ERLEC1: variants seen among roughly 807,000 people sequenced by gnomAD.
The protein encoded by ERLEC1 is ER lectin.
Under a neutral mutation model 68.0 loss-of-function variants are expected in ERLEC1, and 47 were observed. The observed-to-expected ratio is 0.69, with a 90% CI of 0.55 to 0.88. ERLEC1 has a LOEUF of 0.88. Among genes scored for constraint, ERLEC1 ranks in the 40% least tolerant of loss-of-function variants. The pLI is 0.00. For missense variants in ERLEC1, 567 were observed against 583.8 expected (o/e 0.97, Z 0.30); for synonymous variants, 225 against 203.2 (o/e 1.11, Z -0.91).
intron 12 of ERLEC1, 54 bp downstream of exon 12, chr2:53,814,674 A>G (rs1253812108): frequency 2.3e-5 from 31 of 1,332,034 alleles, no homozygotes; most frequent in Non-Finnish European, 3.1e-5. Flanking sequence ...ACTGCTTCCT[A>G]TGGACAAAAG....
At chr2:53,791,283 A>G (rs993921552) in intron 1 of ERLEC1, among the ~76,000 whole-genome samples, 1 of 152,058 alleles carries the variant, frequency 6.6e-6, no homozygotes, top group African/African-American at 2.4e-5. Context: ...TCAAATCTCT[A>G]ATAAAATTTG....
chr2:53,799,142 A>G lies in ERLEC1; in HGVS notation c.525+61A>G, dbSNP rs1374389407. 4 of 1,389,970 alleles carry G rather than the reference A, an allele frequency of 2.9e-6. No homozygotes were observed. In the African/African-American group the frequency reaches 5.7e-5, roughly 20 times the overall value. The allele number at this position is 1,389,970 out of a possible 1,614,324, so 86.1% of individuals were successfully genotyped here. A position where few individuals can be genotyped will look rare whatever the true frequency, so the allele number is the denominator to read the frequency against. ...CTTATTGTTAGTGAGGTATGAATTT[A>G]TATAACCCAAGTGACAGAATATATC... On this transcript the variant is annotated intron_variant, in intron 6 of 13. Transcript: ENST00000185150.
chr2:53,802,477 C>T (rs1676059089), intron 8 of ERLEC1, among the ~76,000 whole-genome samples: 1 of 152,158 alleles, frequency 6.6e-6, no homozygotes, highest in Non-Finnish European at 1.5e-5. Context: ...TCCATCCTGT[C>T]ATTAGTTCAG....
chr2:53,787,217 GA>G lies in ERLEC1; in HGVS notation c.9del (p.Gly4GlufsTer66). ME[E>X]GGGGVRSLVP... ...GAGAAAGCGGCGGCGGAGGATGGAG[GA>G]AGGAGGCGGCGGCGTACGGAGTCTG... On this transcript the variant is annotated frameshift_variant, in exon 1 of 14. Coordinates refer to ENST00000185150, the MANE Select transcript of ERLEC1 (RefSeq NM_015701.5). LOFTEE classifies it high-confidence loss of function. 1 of 1,601,894 alleles carries G rather than the reference GA, an allele frequency of 6.2e-7. No homozygotes were observed.
At chr2:53,810,995 A>G (rs1234008903) in intron 10 of ERLEC1, among the ~76,000 whole-genome samples, 3 of 152,196 alleles carry the variant, frequency 2.0e-5, no homozygotes, top group African/African-American at 4.8e-5. Flanking sequence ...CCACTTCTCA[A>G]AAAAGTTTAA....
intron 9 of ERLEC1, 69 bp from the exon 10 acceptor site, chr2:53,809,145 A>T: frequency 9.7e-7 from 1 of 1,031,780 alleles, no homozygotes; most frequent in Non-Finnish European, 1.5e-6. Context: ...TATTTCCATT[A>T]CTGTCATGTG....
intron 11 of ERLEC1, among the ~76,000 whole-genome samples, chr2:53,814,221 G>A (rs1249996591): frequency 1.3e-5 from 2 of 152,238 alleles, no homozygotes; most frequent in East Asian, 1.9e-4. Context: ...AATATAGTGG[G>A]CTAGGGAAAT....
intron 1 of ERLEC1, among the ~76,000 whole-genome samples, chr2:53,789,973 C>T (rs1445511595): frequency 6.9e-6 from 1 of 144,528 alleles, no homozygotes; most frequent in Non-Finnish European, 1.5e-5. Context: ...GATCCGAGAT[C>T]ATGCCACTGC....
chr2:53,816,847 A>C (rs1418252470), intron 13 of ERLEC1, among the ~76,000 whole-genome samples: 1 of 152,198 alleles, frequency 6.6e-6, no homozygotes, highest in East Asian at 1.9e-4. Context: ...AATTTGGGGA[A>C]ATTTTTGGAC....
chr2:53,787,599 A>C, intron 1 of ERLEC1: 1 of 427,274 alleles, frequency 2.3e-6, no homozygotes, highest in Non-Finnish European at 4.1e-6. Flanking sequence ...CCTGCTCTCC[A>C]CCTTTTCAAT....
At chr2:53,811,679 G>C (rs1019400820) in intron 10 of ERLEC1, among the ~76,000 whole-genome samples, 1 of 152,138 alleles carries the variant, frequency 6.6e-6, no homozygotes, top group Non-Finnish European at 1.5e-5. Flanking sequence ...AGAAACAAAG[G>C]TTCAATAACT....
At chr2:53,813,215 T>G in intron 11 of ERLEC1, 142 bp downstream of exon 11, 1 of 1,000,008 alleles carries the variant, frequency 1.0e-6, no homozygotes, top group South Asian at 1.6e-5. Flanking sequence ...TTAGTTTTCT[T>G]TTCTTAGGGA....
intron 13 of ERLEC1, among the ~76,000 whole-genome samples, chr2:53,815,283 G>A (rs1676818831): frequency 2.6e-5 from 4 of 152,164 alleles, no homozygotes; most frequent in Admixed American, 2.6e-4. Flanking sequence ...TGGGATTACA[G>A]GTGTGAGCCA....
At chr2:53,798,800 C>T (rs1675852250) in intron 5 of ERLEC1, among the ~76,000 whole-genome samples, 1 of 151,780 alleles carries the variant, frequency 6.6e-6, no homozygotes, top group African/African-American at 2.4e-5. Context: ...AAAAATACCT[C>T]GAAAGAAAAT....
chr2:53,805,312 G>C (rs1026099343), intron 8 of ERLEC1, among the ~76,000 whole-genome samples: 1 of 151,964 alleles, frequency 6.6e-6, no homozygotes, highest in African/African-American at 2.4e-5. Context: ...ATGAGCCACC[G>C]CACCCAGCTA....
rs1193127348 is a variant in ERLEC1 at position 53,809,256 on chromosome 2, G to A, written c.1084G>A (p.Val362Ile). The A allele has an allele frequency of 2.5e-6, 4 of 1,575,302 alleles. No individual in the cohort carries two copies. The highest frequency in any genetic ancestry group is 3.4e-6 in the Non-Finnish European group (4 of 1,168,518). ...ATATGAATTCTGCTATGGCAAACAT[G>A]TACATCAATACCATGAGGTATAGAA... ...WKYEFCYGKH[V>I]HQYHEDKDSG... is the part of the protein sequence containing the mutation. Residue 362 changes from valine to isoleucine, a missense_variant, in exon 10 of 14, where the codon GTA becomes ATA. By Grantham distance (29) the Val-to-Ile change is conservative. Coordinates refer to ENST00000185150, the MANE Select transcript of ERLEC1 (RefSeq NM_015701.5).
At chr2:53,787,581 A>G in intron 1 of ERLEC1, 1 of 472,172 alleles carries the variant, frequency 2.1e-6, no homozygotes, top group Non-Finnish European at 3.6e-6. Flanking sequence ...TTAGGGATCC[A>G]GCAATCACCT....
Position 53,792,770 on chromosome 2 carries a change from A to G in ERLEC1, c.163-1575A>G, listed in dbSNP as rs1442111915. Among the ~76,000 whole-genome samples, 2 of 152,200 alleles carry G rather than the reference A, an allele frequency of 1.3e-5. 1 individual carries two copies. ...AGTGGCTCACGCCTGTAATCCCAAC[A>G]CTTTGGGAGACAGAGGCTGACGGAT... On this transcript the variant is annotated intron_variant, in intron 1 of 13. Coordinates refer to ENST00000185150, the MANE Select transcript of ERLEC1 (RefSeq NM_015701.5).
intron 8 of ERLEC1, among the ~76,000 whole-genome samples, chr2:53,803,567 C>T (rs1312735753): frequency 6.8e-6 from 1 of 146,250 alleles, no homozygotes; most frequent in Non-Finnish European, 1.5e-5. Flanking sequence ...AGTTCAATAC[C>T]AGACTAGACA....
Sources: gnomAD v4.1 joint callset for allele counts (sites outside exome capture counted in the v4.1 genomes callset) on GRCh38, gnomAD v4.1.1 for gene constraint, MANE v1.5 for transcripts, NCBI Gene and HGNC (gene_info 2026-07-23, HGNC 2026-07-21) for gene names.